The following ZCCHC7 variants were observed in gnomAD, a reference collection of about 807,000 sequenced individuals.
ZCCHC7 encodes zinc finger CCHC-type containing 7.
ZCCHC7 carries 35 observed loss-of-function variants against 52.0 expected under a neutral mutation model. The observed-to-expected ratio is 0.67, with a 90% confidence interval of 0.51 to 0.89. The LOEUF is 0.89. Ranked by LOEUF, ZCCHC7 falls within the 40% of genes least tolerant of loss-of-function variation. The pLI is 0.00. For missense variants in ZCCHC7, 574 were observed against 649.1 expected (o/e 0.88, Z 1.26); for synonymous variants, 217 against 221.5 (o/e 0.98, Z 0.18).
At chr9:37,127,072 TTC>T in intron 2 of ZCCHC7, 130 bp downstream of exon 2, 1 of 1,111,536 alleles carries the variant, frequency 9.0e-7, no homozygotes, top group Non-Finnish European at 1.3e-6. Flanking sequence ...TTTGGTTTGT[TTC>T]TCATGCGACT....
intron 2 of ZCCHC7, among the ~76,000 whole-genome samples, chr9:37,130,334 CTTTTTTTTTTTTTTTTT>C (rs34589957): frequency 1.6e-5 from 1 of 63,100 alleles, no homozygotes; most frequent in Admixed American, 2.6e-4. Flanking sequence ...GAATTCTCTC[CTTTTTTTTTTTTTTTTT>C]TTTTTTTTTT....
At chr9:37,235,647 G>C (rs1588527589) in intron 2 of ZCCHC7, among the ~76,000 whole-genome samples, 1 of 150,016 alleles carries the variant, frequency 6.7e-6, no homozygotes, top group East Asian at 2.0e-4. Context: ...CTGGAGTGCA[G>C]TGACACAATA....
At chr9:37,227,063 C>A (rs912303272) in intron 2 of ZCCHC7, among the ~76,000 whole-genome samples, 1 of 149,794 alleles carries the variant, frequency 6.7e-6, no homozygotes, top group African/African-American at 2.5e-5. Flanking sequence ...TATCTGAATA[C>A]CTTGGGTTAT....
intron 2 of ZCCHC7, among the ~76,000 whole-genome samples, chr9:37,278,034 G>GTGTGTTTTGTTTTGTTTTGTTTTT (rs74182939): frequency 7.0e-6 from 1 of 142,860 alleles, no homozygotes; most frequent in Non-Finnish European, 1.5e-5. Context: ...GTGTGTGTGT[G>GTGTGTTTTGTTTTGTTTTGTTTTT]TGTTTTGTTT....
chr9:37,315,221 T>C (rs923061658), intron 5 of ZCCHC7, among the ~76,000 whole-genome samples: 1 of 152,040 alleles, frequency 6.6e-6, no homozygotes, highest in African/African-American at 2.4e-5. Flanking sequence ...AAAGTATACA[T>C]ACCAGGCTCT....
intron 2 of ZCCHC7, among the ~76,000 whole-genome samples, chr9:37,273,514 A>AC (rs1827533370): frequency 6.6e-6 from 1 of 152,200 alleles, no homozygotes; most frequent in Non-Finnish European, 1.5e-5. Flanking sequence ...AAAAGAAAAG[A>AC]AAAAGAAAGG....
intron 2 of ZCCHC7, among the ~76,000 whole-genome samples, chr9:37,285,761 G>GT (rs1382316053): frequency 6.6e-6 from 1 of 152,098 alleles, no homozygotes; most frequent in East Asian, 1.9e-4. Flanking sequence ...AAAATCACTT[G>GT]TTTCTTCAAA....
At chr9:37,302,797 T>C (rs996282698) in intron 3 of ZCCHC7, among the ~76,000 whole-genome samples, 9 of 152,210 alleles carry the variant, frequency 5.9e-5, no homozygotes, top group Admixed American at 4.6e-4. Context: ...CCATATGATA[T>C]GCATTGTTGG....
rs775923815 is a variant in ZCCHC7 at position 37,126,392 on chromosome 9, G to A, written c.60G>A (p.Glu20=). 4 of 1,614,038 alleles carry A rather than the reference G, an allele frequency of 2.5e-6. No individual in the cohort carries two copies. Among genetic ancestry groups the A allele is most frequent in the Non-Finnish European group, 3.4e-6 (4 of 1,179,976 alleles). ...EAYEDDLYRD[E]SSSELSVDSE... ...ACGAAGATGATCTTTATCGAGATGA[G>A]TCATCTAGTGAACTGAGTGTTGATA... Residue 20 remains glutamate (E), a synonymous_variant, in exon 2 of 9, where the codon GAG becomes GAA. Coordinates refer to ENST00000336755, the MANE Select transcript of ZCCHC7 (RefSeq NM_032226.3).
rs1482655072 is a variant in ZCCHC7, at chr9:37,126,423, G to A, written c.91G>A (p.Val31Met). 2 of 1,613,876 alleles carry A rather than the reference G, an allele frequency of 1.2e-6. No homozygotes were observed. Among genetic ancestry groups the A allele is most frequent in the African/African-American group, 2.7e-5 (2 of 74,904 alleles). Residue 31 changes from valine (V) to methionine (M), a missense_variant, in exon 2 of 9, where the codon GTG (valine) becomes ATG (methionine). By Grantham distance (21) the Val-to-Met change is conservative (BLOSUM62 1). Around this residue, in one of 3 missense-constraint regions of ZCCHC7, gnomAD observed 403 missense variants for 461.2 expected, o/e 0.87. Coordinates refer to ENST00000336755, the MANE Select transcript of ZCCHC7 (RefSeq NM_032226.3). ...SSSELSVDSE[V>M]EFQLYSQIHY... ...TAGTGAACTGAGTGTTGATAGTGAG[G>A]TGGAATTTCAACTCTATAGCCAAAT...
At chr9:37,153,782 A>T (rs1820669221) in intron 2 of ZCCHC7, among the ~76,000 whole-genome samples, 1 of 152,104 alleles carries the variant, frequency 6.6e-6, no homozygotes, top group South Asian at 2.1e-4. Flanking sequence ...TATTTCTGAA[A>T]GGAGTCCTGG....
chr9:37,126,874 G>A lies in ZCCHC7; in HGVS notation c.542G>A (p.Cys181Tyr). ...GTGGAAAGCTGGATGCTACTGGGAT[G>A]TGAAGTAGATGATAAAGATGATGAT... ...DNVESWMLLG[C>Y]EVDDKDDDIL... The change falls in exon 2 of 9, where the codon TGT (cysteine) becomes TAT (tyrosine). Residue 181 changes from cysteine (C) to tyrosine (Y), a missense_variant. Physicochemically the swap from Cys to Tyr is radical, Grantham distance 194. Transcript: ENST00000336755. 3 of 1,614,166 alleles carry A rather than the reference G, an allele frequency of 1.9e-6. No homozygotes were observed. Among genetic ancestry groups the A allele is most frequent in the Non-Finnish European group, 2.5e-6 (3 of 1,180,014 alleles).
At chr9:37,145,820 T>A (rs184348931) in intron 2 of ZCCHC7, among the ~76,000 whole-genome samples, 1 of 152,040 alleles carries the variant, frequency 6.6e-6, no homozygotes, top group Admixed American at 6.6e-5. Flanking sequence ...TGAACAAAAA[T>A]TGTTCCTATA....
chr9:37,238,292 G>A (rs1232554712), intron 2 of ZCCHC7, among the ~76,000 whole-genome samples: 1 of 152,144 alleles, frequency 6.6e-6, no homozygotes, highest in Non-Finnish European at 1.5e-5. Flanking sequence ...AAAGAGAAAT[G>A]AAGTAGGAAC....
intron 2 of ZCCHC7, among the ~76,000 whole-genome samples, chr9:37,262,325 A>C (rs759801357): frequency 4.6e-5 from 7 of 152,144 alleles, no homozygotes; most frequent in Non-Finnish European, 1.0e-4. Flanking sequence ...CATAATGACT[A>C]TAGTTGCTAG....
intron 6 of ZCCHC7, among the ~76,000 whole-genome samples, chr9:37,340,167 G>A (rs554816784): frequency 6.6e-6 from 1 of 152,204 alleles, no homozygotes; most frequent in African/African-American, 2.4e-5. Context: ...ATTTGTAATC[G>A]TTGCATCGGG....
chr9:37,120,648 C>A, intron 1 of ZCCHC7, 25 bp downstream of exon 1: 1 of 393,144 alleles, frequency 2.5e-6, no homozygotes, highest in East Asian at 3.6e-5. Context: ...GACGGACCCC[C>A]GCCGCCCGCG....
intron 6 of ZCCHC7, among the ~76,000 whole-genome samples, chr9:37,347,212 A>T (rs1029905709): frequency 1.3e-5 from 2 of 151,880 alleles, no homozygotes; most frequent in African/African-American, 4.8e-5. Flanking sequence ...TCTGGTTTCA[A>T]CTTCTCCATC....
intron 2 of ZCCHC7, among the ~76,000 whole-genome samples, chr9:37,287,936 TAA>T (rs373555727): frequency 7.0e-6 from 1 of 143,400 alleles, no homozygotes. Flanking sequence ...TTTAAATGGT[TAA>T]AAAAAAAAAA....
Sources: allele counts gnomAD v4.1 joint callset (sites outside exome capture counted in the v4.1 genomes callset), GRCh38; gene constraint gnomAD v4.1.1; regional missense constraint gnomAD v4.1.1; transcripts MANE v1.5; gene names NCBI Gene and HGNC (gene_info 2026-07-23, HGNC 2026-07-21).